The following COPS6 variants were observed in gnomAD, a reference collection of about 807,000 sequenced individuals.
COPS6 encodes the protein COP9 signalosome complex subunit 6.
COPS6 carries 9 observed loss-of-function variants against 41.0 expected under a neutral mutation model. The observed-to-expected ratio is 0.22, with a 90% confidence interval of 0.13 to 0.38. The LOEUF is 0.38. Ranked by LOEUF, COPS6 falls within the 10% of genes least tolerant of loss-of-function variation. The pLI is 1.00. For missense variants in COPS6, 302 were observed against 436.7 expected (o/e 0.69, Z 2.75); for synonymous variants, 179 against 162.9 (o/e 1.10, Z -0.75).
chr7:100,091,166 T>G lies in COPS6; in HGVS notation c.649+14T>G. The G allele has an allele frequency of 6.2e-7, 1 of 1,613,766 alleles. No homozygotes were observed. Among genetic ancestry groups the G allele is most frequent in the Non-Finnish European group, 8.5e-7 (1 of 1,179,640 alleles). On this transcript the variant is annotated intron_variant, in intron 7 of 9. Coordinates refer to ENST00000303904, the MANE Select transcript of COPS6 (RefSeq NM_006833.5). This position sits in a 1 kb window ranked among gnomAD's most constrained non-coding sequence, Gnocchi z 4.1. ...AGAACTCCACTGGTAATGGAGGGGA[T>G]TCCTTGGAAGTGGGGTTGGAAGGTG...
At position 100,091,885 on chromosome 7, in the gene COPS6, AAG is replaced by A; in HGVS notation, c.*97_*98del. On this transcript the variant is annotated 3_prime_UTR_variant, in exon 10 of 10. Coordinates refer to ENST00000303904, the MANE Select transcript of COPS6 (RefSeq NM_006833.5). The surrounding 1 kb of genome is among the most constrained non-coding windows in gnomAD (Gnocchi z 4.1). ...TGAGAGAAACCGCTGTCATTAATAA[AAG>A]GGGAGCAGCCCCTGAGCACCCCTGC... 1.3e-6 allele frequency: 2 copies of A among 1,527,760 alleles called. No homozygotes were observed. The allele number at this position is 1,527,760 out of a possible 1,614,324, so 94.6% of individuals were successfully genotyped here. A position where few individuals can be genotyped will look rare whatever the true frequency, so the allele number is the denominator to read the frequency against.
rs1238120086 is a variant in COPS6 at position 100,091,261 on chromosome 7, C to T, written c.673C>T (p.His225Tyr). ...STVAEHLIAQ[H>Y]SAIKMLHSRV... ...AGTGGCTGAACACCTGATAGCACAG[C>T]ACAGCGCCATCAAGATGCTGCACAG... Residue 225 changes from histidine to tyrosine, a missense_variant, in exon 8 of 10, where the codon CAC becomes TAC. By Grantham distance (83) the His-to-Tyr change is moderately conservative (BLOSUM62 2). Coordinates refer to ENST00000303904, the MANE Select transcript of COPS6 (RefSeq NM_006833.5). This position sits in a 1 kb window ranked among gnomAD's most constrained non-coding sequence, Gnocchi z 4.1. The T allele has an allele frequency of 1.2e-6, 2 of 1,614,064 alleles. No homozygotes were observed. The highest frequency in any genetic ancestry group is 1.7e-6 in the Non-Finnish European group (2 of 1,180,036).
In COPS6 at chr7:100,091,523, G is replaced by C. The variant is rs779075759; in HGVS notation, c.843+3G>C. Reference sequence around the variant, plus strand: ...AGTTCAAGACAGATTTTTATGATGTGAGTGTAAAACCCGGATGGGGAGGCG... The same window carrying C: ...AGTTCAAGACAGATTTTTATGATGTCAGTGTAAAACCCGGATGGGGAGGCG... On this transcript the variant is annotated splice_donor_region_variant and intron_variant, in intron 9 of 9. Coordinates refer to ENST00000303904, the MANE Select transcript of COPS6 (RefSeq NM_006833.5). The surrounding 1 kb of genome is among the most constrained non-coding windows in gnomAD (Gnocchi z 4.1). The C allele has an allele frequency of 2.5e-6, 4 of 1,613,946 alleles. No homozygotes were observed.
In COPS6 at chr7:100,092,121, T is replaced by C; in HGVS notation, c.*332T>C. The C allele has an allele frequency of 3.3e-6, 1 of 301,858 alleles. No individual in the cohort carries two copies. The highest frequency in any genetic ancestry group is 6.2e-6 in the Non-Finnish European group (1 of 161,040). 18.7% of individuals were successfully genotyped at this position (301,858 alleles called of 1,614,324 possible). A position where few individuals can be genotyped will look rare whatever the true frequency, so the allele number is the denominator to read the frequency against. ...CACCTAAGTGGTCTCTGTTCTACAC[T>C]TTAATGTCACCCTCTACATCATCTT... On this transcript the variant is annotated 3_prime_UTR_variant, in exon 10 of 10. Transcript: ENST00000303904.
intron 1 of COPS6, 36 bp downstream of exon 1, chr7:100,089,102 C>A: frequency 7.0e-7 from 1 of 1,436,512 alleles, no homozygotes; most frequent in Non-Finnish European, 9.1e-7. Flanking sequence ...CCGGAGACCT[C>A]CTTCAGGGGT....
In COPS6 at chr7:100,091,096, T is replaced by C; in HGVS notation, c.593T>C (p.Ile198Thr). The C allele has an allele frequency of 1.9e-6, 3 of 1,614,256 alleles. No individual in the cohort carries two copies. The highest frequency in any genetic ancestry group is 2.5e-6 in the Non-Finnish European group (3 of 1,180,050). The change falls in exon 7 of 10, where the codon ATT becomes ACT. Residue 198 changes from isoleucine (I) to threonine (T), a missense_variant. Transcript: ENST00000303904. The surrounding 1 kb of genome is among the most constrained non-coding windows in gnomAD (Gnocchi z 4.1). ...YTLATEEAER[I>T]GVDHVARMTA... ...CTGGCCACAGAGGAAGCGGAACGCA[T>C]TGGTGTAGACCACGTAGCCCGAATG...
rs2116537188 is a variant in COPS6, at chr7:100,090,720, C to G, written c.486+66C>G. The stretch of plus-strand genomic sequence containing the variant: ...ATACCTTTTACTGTGTGACACTCCT[C>G]TATTGGGGAATGCCAGATGCCACTT... On this transcript the variant is annotated intron_variant, in intron 5 of 9. Transcript: ENST00000303904. 3.9e-6 allele frequency: 6 copies of G among 1,530,376 alleles called. No individual in the cohort carries two copies. In the South Asian group the frequency reaches 5.6e-5, roughly 14 times the overall value. 94.8% of individuals were successfully genotyped at this position (1,530,376 alleles called of 1,614,324 possible). A position where few individuals can be genotyped will look rare whatever the true frequency, so the allele number is the denominator to read the frequency against.
In COPS6 at chr7:100,090,956, C is replaced by G. The variant is rs769345155; in HGVS notation, c.534+7C>G. 3 of 1,614,058 alleles carry G rather than the reference C, an allele frequency of 1.9e-6. No homozygotes were observed. The highest frequency in any genetic ancestry group is 2.5e-6 in the Non-Finnish European group (3 of 1,179,912). ...TGATATAATCAATGGAGAGGTAATA[C>G]CCTACCCTTCAACCCTCAGATCCTG... On this transcript the variant is annotated splice_region_variant and intron_variant, in intron 6 of 9. Coordinates refer to ENST00000303904, the MANE Select transcript of COPS6 (RefSeq NM_006833.5).
intron 1 of COPS6, 66 bp from the exon 2 acceptor site, chr7:100,089,224 C>G: frequency 1.3e-6 from 2 of 1,557,540 alleles, no homozygotes; most frequent in Non-Finnish European, 1.7e-6. Context: ...CCGTCCCCCA[C>G]TGCCATCTCC....
rs76623811 is a variant in COPS6 at position 100,091,992 on chromosome 7, G to C, written c.*203G>C. ...TCGAGGCTCATTCTGGCCTTGCTCA[G>C]AAGCCCTTCTGATGCTCTTCAGTGA... On this transcript the variant is annotated 3_prime_UTR_variant, in exon 10 of 10. Transcript: ENST00000303904. This position sits in a 1 kb window ranked among gnomAD's most constrained non-coding sequence, Gnocchi z 4.1. 27,003 of 627,128 alleles carry C rather than the reference G, an allele frequency of 0.043. 617 individuals carry two copies. The highest frequency in any genetic ancestry group is 0.054 in the Middle Eastern group (124 of 2,276). The allele number at this position is 627,128 out of a possible 1,614,324, so 38.8% of individuals were successfully genotyped here. A position where few individuals can be genotyped will look rare whatever the true frequency, so the allele number is the denominator to read the frequency against.
chr7:100,090,214 G>A (rs1795291055), intron 3 of COPS6, 185 bp from the exon 4 acceptor site: 4 of 590,866 alleles, frequency 6.8e-6, no homozygotes, highest in African/African-American at 1.9e-5. Flanking sequence ...CTGGCATGGT[G>A]GTGCGTGCCT....
chr7:100,089,529 C>G, intron 2 of COPS6, 86 bp from the exon 3 acceptor site: 9 of 1,600,848 alleles, frequency 5.6e-6, no homozygotes, highest in South Asian at 2.2e-5. Context: ...CATCGTTTCC[C>G]CAATACATGG....
Position 100,088,981 on chromosome 7 carries a change from C to A in COPS6, c.-10C>A. ...AGGGGGCGGGGCCGAGGCTGGCGGG[C>A]GCGGGGAAAATGGCGGCGGCGGCGG... On this transcript the variant is annotated 5_prime_UTR_variant, in exon 1 of 10. Transcript: ENST00000303904. 7.6e-7 allele frequency: 1 copy of A among 1,314,790 alleles called. No homozygotes were observed. The highest frequency in any genetic ancestry group is 9.7e-7 in the Non-Finnish European group (1 of 1,029,412). 81.4% of individuals were successfully genotyped at this position (1,314,790 alleles called of 1,614,324 possible). A position where few individuals can be genotyped will look rare whatever the true frequency, so the allele number is the denominator to read the frequency against.
Position 100,091,142 on chromosome 7 carries a change from G to C in COPS6, c.639G>C (p.Glu213Asp), listed in dbSNP as rs762180235. The stretch of plus-strand genomic sequence containing the variant: ...GAATGACAGCAACAGGCAGTGGAGA[G>C]AACTCCACTGGTAATGGAGGGGATT... ...VARMTATGSG[E>D]NSTVAEHLIA... The change falls in exon 7 of 10, where the codon GAG becomes GAC. Residue 213 changes from glutamate (E) to aspartate (D), a missense_variant. By Grantham distance (45) the Glu-to-Asp change is conservative (BLOSUM62 2). Transcript: ENST00000303904. This position sits in a 1 kb window ranked among gnomAD's most constrained non-coding sequence, Gnocchi z 4.1. The C allele has an allele frequency of 2.5e-6, 4 of 1,613,428 alleles. No individual in the cohort carries two copies. In the Admixed American group the frequency reaches 6.7e-5, roughly 27 times the overall value.
Position 100,091,086 on chromosome 7 carries a change from G to A in COPS6, c.583G>A (p.Ala195Thr). The A allele has an allele frequency of 6.2e-7, 1 of 1,614,254 alleles. No homozygotes were observed. The highest frequency in any genetic ancestry group is 8.5e-7 in the Non-Finnish European group (1 of 1,180,044). ...GACCTACACTCTGGCCACAGAGGAA[G>A]CGGAACGCATTGGTGTAGACCACGT... The part of the protein sequence containing the change: ...ELTYTLATEE[A>T]ERIGVDHVAR... Residue 195 changes from alanine (A) to threonine (T), a missense_variant, in exon 7 of 10, where the codon GCG (alanine) becomes ACG (threonine). This residue lies in a region of COPS6 where 222 missense variants were observed against 309.0 expected (regional missense o/e 0.72). Transcript: ENST00000303904. This position sits in a 1 kb window ranked among gnomAD's most constrained non-coding sequence, Gnocchi z 4.1.
At chr7:100,090,745 TA>T in intron 5 of COPS6, 91 bp downstream of exon 5, 3 of 1,463,298 alleles carry the variant, frequency 2.1e-6, no homozygotes, top group Non-Finnish European at 2.9e-6. Context: ...AGATGCCACT[TA>T]CCAGCTGTGA....
At position 100,091,220 on chromosome 7, in the gene COPS6, G is replaced by A. The variant is rs375608070; in HGVS notation, c.650-18G>A. On this transcript the variant is annotated intron_variant, in intron 7 of 9. Coordinates refer to ENST00000303904, the MANE Select transcript of COPS6 (RefSeq NM_006833.5). The surrounding 1 kb of genome is among the most constrained non-coding windows in gnomAD (Gnocchi z 4.1). ...CCACATCCCGTCTCAACCTCCTCCTGTCCTCATCCCCTTGCAGTGGCTGAA... is the reference window on the plus strand; with the variant it reads ...CCACATCCCGTCTCAACCTCCTCCTATCCTCATCCCCTTGCAGTGGCTGAA... 1.0e-4 allele frequency: 169 copies of A among 1,614,040 alleles called. No individual in the cohort carries two copies. Among genetic ancestry groups the A allele is most frequent in the Non-Finnish European group, 1.3e-4 (155 of 1,179,976 alleles).
chr7:100,091,208 C>T lies in COPS6; in HGVS notation c.650-30C>T. On this transcript the variant is annotated intron_variant, in intron 7 of 9. Transcript: ENST00000303904. This position sits in a 1 kb window ranked among gnomAD's most constrained non-coding sequence, Gnocchi z 4.1. ...TGGAAGGTGTGGCCACATCCCGTCT[C>T]AACCTCCTCCTGTCCTCATCCCCTT... 1 of 1,614,026 alleles carries T rather than the reference C, an allele frequency of 6.2e-7. No individual in the cohort carries two copies.
Position 100,089,652 on chromosome 7 carries a change from T to C in COPS6, c.240T>C (p.Asn80=), listed in dbSNP as rs769679183. 1.2e-6 allele frequency: 2 copies of C among 1,613,328 alleles called. No homozygotes were observed. The highest frequency in any genetic ancestry group is 1.7e-6 in the Non-Finnish European group (2 of 1,179,822). ...TGATTGGCAAGCAGGAGGGCCGAAA[T>C]ATCGAGGTGATGAACTCCTTTGAGC... ...GALIGKQEGR[N]IEVMNSFELL... The change falls in exon 3 of 10, where the codon AAT becomes AAC. Residue 80 remains asparagine (N), a synonymous_variant. Coordinates refer to ENST00000303904, the MANE Select transcript of COPS6 (RefSeq NM_006833.5).
Sources: gnomAD v4.1 joint callset for allele counts on GRCh38, gnomAD v4.1.1 for gene constraint, gnomAD v4.1.1 regional missense constraint, Gnocchi (gnomAD v3.1) non-coding constraint, MANE v1.5 for transcripts, NCBI Gene and HGNC (gene_info 2026-07-23, HGNC 2026-07-21) for gene names.